Variants in MTCL3 observed in about 807,000 individuals in gnomAD.
The protein encoded by MTCL3 is microtubule cross-linking factor 3.
the MTCL3 span, chr6:127,475,670 C>T: frequency 6.3e-7 from 1 of 1,589,480 alleles, no homozygotes; most frequent in Non-Finnish European, 8.5e-7. The surrounding 1 kb of genome is among the most constrained non-coding windows in gnomAD (Gnocchi z 7.3). Context: ...ATGTTGCGCA[C>T]CTCCTCCGAG....
the MTCL3 span, among the ~76,000 whole-genome samples, chr6:127,506,134 G>A: frequency 5.9e-5 from 9 of 152,226 alleles, no homozygotes; most frequent in Admixed American, 3.9e-4. Flanking sequence ...TCCATTATTC[G>A]TGTACTTTCT....
At chr6:127,476,528 C>A in the MTCL3 span, 1 of 1,378,372 alleles carries the variant, frequency 7.3e-7, no homozygotes, top group Non-Finnish European at 9.8e-7. The surrounding 1 kb of genome is among the most constrained non-coding windows in gnomAD (Gnocchi z 4.4). Flanking sequence ...ATCAAGGAAA[C>A]AACCAAAAGA....
chr6:127,517,547 A>C, the MTCL3 span: 1 of 152,184 alleles, frequency 6.6e-6, no homozygotes, highest in Non-Finnish European at 1.5e-5. Flanking sequence ...GAATCACTTT[A>C]GTTTTAAGTG....
At chr6:127,499,610 C>G in the MTCL3 span, among the ~76,000 whole-genome samples, 5 of 152,170 alleles carry the variant, frequency 3.3e-5, no homozygotes, top group Non-Finnish European at 5.9e-5. Flanking sequence ...ATGTTCTGGA[C>G]ATGTTATAAA....
At chr6:127,514,368 A>C in the MTCL3 span, among the ~76,000 whole-genome samples, 1 of 152,152 alleles carries the variant, frequency 6.6e-6, no homozygotes, top group Non-Finnish European at 1.5e-5. Flanking sequence ...AAGAAATCTT[A>C]ACTCTAGTAT....
the MTCL3 span, among the ~76,000 whole-genome samples, chr6:127,495,412 G>T: frequency 6.6e-5 from 10 of 151,814 alleles, no homozygotes; most frequent in African/African-American, 2.4e-4. Flanking sequence ...TATAATTCAG[G>T]CAAAGAAAAA....
chr6:127,476,511 T>C, the MTCL3 span: 2 of 1,466,246 alleles, frequency 1.4e-6, no homozygotes, highest in East Asian at 2.3e-5. This position sits in a 1 kb window ranked among gnomAD's most constrained non-coding sequence, Gnocchi z 4.4. Flanking sequence ...AGATCATTTT[T>C]ATGTAAATCA....
chr6:127,512,662 G>A, the MTCL3 span, among the ~76,000 whole-genome samples: 1 of 152,150 alleles, frequency 6.6e-6, no homozygotes, highest in African/African-American at 2.4e-5. Flanking sequence ...ATGAAACACA[G>A]AGATCAGTCA....
the MTCL3 span, among the ~76,000 whole-genome samples, chr6:127,485,413 C>T: frequency 6.6e-6 from 1 of 152,034 alleles, no homozygotes; most frequent in African/African-American, 2.4e-5. Flanking sequence ...TCTTGAAGGA[C>T]ATTGAATAAA....
chr6:127,484,948 T>C, the MTCL3 span, among the ~76,000 whole-genome samples: 1 of 152,200 alleles, frequency 6.6e-6, no homozygotes, highest in Non-Finnish European at 1.5e-5. Flanking sequence ...AACAGCATCA[T>C]CAGTGTCACC....
At chr6:127,481,160 A>G in the MTCL3 span, among the ~76,000 whole-genome samples, 17 of 152,216 alleles carry the variant, frequency 1.1e-4, no homozygotes, top group African/African-American at 4.1e-4. Flanking sequence ...TGCATCAGAG[A>G]CTATGGTTGA....
At chr6:127,473,238 A>T in the MTCL3 span, 324 of 1,460,160 alleles carry the variant, frequency 2.2e-4, no homozygotes, top group African/African-American at 4.3e-3. Context: ...GAACAAAATA[A>T]ACAAACTGAA....
chr6:127,475,079 C>T, the MTCL3 span, among the ~76,000 whole-genome samples: 2 of 152,236 alleles, frequency 1.3e-5, no homozygotes, highest in Non-Finnish European at 2.9e-5. The surrounding 1 kb of genome is among the most constrained non-coding windows in gnomAD (Gnocchi z 7.3). Context: ...GAAATGGTGA[C>T]TATGTGATGG....
chr6:127,473,804 G>A, the MTCL3 span, among the ~76,000 whole-genome samples: 39 of 152,182 alleles, frequency 2.6e-4, no homozygotes, highest in Non-Finnish European at 4.0e-4. Flanking sequence ...TTGTACTTCC[G>A]TGGGTTCTCC....
the MTCL3 span, among the ~76,000 whole-genome samples, chr6:127,501,218 T>G: frequency 6.6e-6 from 1 of 152,220 alleles, no homozygotes; most frequent in South Asian, 2.1e-4. Flanking sequence ...ATAGGATAAC[T>G]ACTTTCAGAA....
the MTCL3 span, among the ~76,000 whole-genome samples, chr6:127,501,170 T>A: frequency 1.3e-5 from 2 of 152,226 alleles, no homozygotes; most frequent in African/African-American, 4.8e-5. Context: ...GAATTGTACA[T>A]GTATTACAGA....
the MTCL3 span, among the ~76,000 whole-genome samples, chr6:127,487,663 C>T: frequency 6.6e-6 from 1 of 152,230 alleles, no homozygotes; most frequent in East Asian, 1.9e-4. Context: ...CACTCTCTTC[C>T]CTAAAAGGGT....
the MTCL3 span, among the ~76,000 whole-genome samples, chr6:127,507,940 C>T: frequency 1.3e-5 from 2 of 151,624 alleles, no homozygotes; most frequent in Admixed American, 1.3e-4. Flanking sequence ...ACCTGACACA[C>T]TCTTCCTTTT....
At chr6:127,477,724 A>G in the MTCL3 span, among the ~76,000 whole-genome samples, 1 of 152,188 alleles carries the variant, frequency 6.6e-6, no homozygotes, top group Non-Finnish European at 1.5e-5. Context: ...AAGAATATGA[A>G]GGGTTTGAGA....
Sources: allele counts gnomAD v4.1 joint callset (sites outside exome capture counted in the v4.1 genomes callset), GRCh38; gene constraint gnomAD v4.1.1; non-coding constraint Gnocchi (gnomAD v3.1); transcripts MANE v1.5; gene names NCBI Gene and HGNC (gene_info 2026-07-23, HGNC 2026-07-21).